The following MKRN2 variants were observed in gnomAD, a reference collection of about 807,000 sequenced individuals.
The protein encoded by MKRN2 is E3 ubiquitin-protein ligase makorin-2.
Under a neutral mutation model 45.4 loss-of-function variants are expected in MKRN2, and 32 were observed. The ratio of observed to expected loss-of-function variants is 0.70; its 90% CI spans 0.53 to 0.95. The LOEUF (loss-of-function observed/expected upper bound fraction) is 0.95, where lower values mean the gene tolerates loss of function less well. MKRN2 is among the 40% of genes least tolerant of loss of function. The pLI is 0.00. For missense variants in MKRN2, 526 were observed against 536.7 expected (o/e 0.98, Z 0.20); for synonymous variants, 206 against 192.4 (o/e 1.07, Z -0.59).
At position 12,583,635 on chromosome 3, in the gene MKRN2, C is replaced by T. The variant is rs909665330; in HGVS notation, c.*1382C>T. On this transcript the variant is annotated 3_prime_UTR_variant, in exon 8 of 8. Coordinates refer to ENST00000170447, the MANE Select transcript of MKRN2 (RefSeq NM_014160.5). ...AATTTAATTTATTTTATTAAAATAACATAATTGAGGGACCATCAGATAACT... is the reference window on the plus strand; with the variant it reads ...AATTTAATTTATTTTATTAAAATAATATAATTGAGGGACCATCAGATAACT... The T allele has an allele frequency of 3.4e-5, 8 of 232,528 alleles. No homozygotes were observed. The Admixed American group carries it at 3.9e-4, about 11-fold the overall frequency. 14.4% of individuals were successfully genotyped at this position (232,528 alleles called of 1,614,324 possible). A position where few individuals can be genotyped will look rare whatever the true frequency, so the allele number is the denominator to read the frequency against.
chr3:12,582,493 C>A lies in MKRN2; in HGVS notation c.*240C>A. The A allele has an allele frequency of 2.1e-6, 1 of 475,400 alleles. No individual in the cohort carries two copies. The highest frequency in any genetic ancestry group is 3.7e-6 in the Non-Finnish European group (1 of 271,796). 29.4% of individuals were successfully genotyped at this position (475,400 alleles called of 1,614,324 possible). The stretch of plus-strand genomic sequence containing the variant: ...TTTTATAGCTGATATAGTTACACCT[C>A]AAGCCCCTCAGGGGTAACAACTAAC... On this transcript the variant is annotated 3_prime_UTR_variant, in exon 8 of 8. Transcript: ENST00000170447.
intron 5 of MKRN2, among the ~76,000 whole-genome samples, chr3:12,575,904 C>T (rs2058132255): frequency 6.6e-6 from 1 of 151,986 alleles, no homozygotes; most frequent in African/African-American, 2.4e-5. Context: ...AGCACATTTC[C>T]CTTATCCATT....
At chr3:12,573,543 T>C (rs376503095) in intron 4 of MKRN2, among the ~76,000 whole-genome samples, 4 of 151,072 alleles carry the variant, frequency 2.6e-5, no homozygotes, top group Non-Finnish European at 5.9e-5. Flanking sequence ...TCAAGAAAAA[T>C]AATAATAAAA....
At chr3:12,578,422 G>T (rs2058156474) in intron 6 of MKRN2, among the ~76,000 whole-genome samples, 1 of 144,926 alleles carries the variant, frequency 6.9e-6, no homozygotes, top group African/African-American at 2.5e-5. Flanking sequence ...CCAGGTTCAA[G>T]CACTTCTGCC....
chr3:12,558,415 G>T (rs952655950), intron 1 of MKRN2, among the ~76,000 whole-genome samples: 1 of 152,148 alleles, frequency 6.6e-6, no homozygotes, highest in Non-Finnish European at 1.5e-5. Context: ...CTAGGTCATT[G>T]TGCACTGTAA....
chr3:12,578,736 G>C (rs1390487003), intron 6 of MKRN2, among the ~76,000 whole-genome samples: 1 of 151,998 alleles, frequency 6.6e-6, no homozygotes, highest in African/African-American at 2.4e-5. Context: ...AAATATTTGT[G>C]TTAAGACTTA....
intron 1 of MKRN2, among the ~76,000 whole-genome samples, chr3:12,565,561 G>A (rs1231166775): frequency 5.0e-5 from 6 of 118,918 alleles, no homozygotes; most frequent in African/African-American, 2.1e-4. Flanking sequence ...TGGGAGACAG[G>A]GTCTCACTCT....
At position 12,572,251 on chromosome 3, in the gene MKRN2, G is replaced by A. The variant is rs748431588; in HGVS notation, c.520G>A (p.Ala174Thr). ...CAACGAGCAGCAGCTGTGCCCCTAC[G>A]CAGCTGCTGGGGAGTGCCGGTTTGG... Reference protein sequence around the residue: ...YSNEQQLCPYAAAGECRFGDA... With the variant: ...YSNEQQLCPYTAAGECRFGDA... Residue 174 changes from alanine (A) to threonine (T), a missense_variant, in exon 4 of 8, where the codon GCA becomes ACA. By Grantham distance (58) the Ala-to-Thr change is moderately conservative. Coordinates refer to ENST00000170447, the MANE Select transcript of MKRN2 (RefSeq NM_014160.5). 2.4e-5 allele frequency: 38 copies of A among 1,613,964 alleles called. No homozygotes were observed. Among genetic ancestry groups the A allele is most frequent in the Admixed American group, 2.0e-4 (12 of 59,984 alleles).
intron 1 of MKRN2, among the ~76,000 whole-genome samples, chr3:12,567,958 CAT>C (rs1308805083): frequency 6.6e-6 from 1 of 152,186 alleles, no homozygotes; most frequent in Non-Finnish European, 1.5e-5. Context: ...TGATACAGAA[CAT>C]GTGATACATC....
chr3:12,563,705 G>T (rs866933682), intron 1 of MKRN2, among the ~76,000 whole-genome samples: 2 of 64,434 alleles, frequency 3.1e-5, no homozygotes, highest in African/African-American at 1.4e-4. Context: ...GGCCAGGCTG[G>T]TCTTGAACTC....
chr3:12,576,796 G>A (rs2058140421), intron 6 of MKRN2, 55 bp downstream of exon 6: 9 of 1,306,938 alleles, frequency 6.9e-6, no homozygotes, highest in Admixed American at 1.7e-5. Context: ...TCTGCTGTCA[G>A]CCCGTGTCCT....
chr3:12,578,491 T>C (rs1249006733), intron 6 of MKRN2, among the ~76,000 whole-genome samples: 1 of 152,022 alleles, frequency 6.6e-6, no homozygotes. Context: ...CTAATTTTTG[T>C]ATTTTAGTAG....
chr3:12,569,071 G>A, intron 2 of MKRN2, 68 bp downstream of exon 2: 5 of 1,503,146 alleles, frequency 3.3e-6, no homozygotes, highest in South Asian at 2.6e-5. Flanking sequence ...TTGATAAGGG[G>A]GAAATTTTAA....
At chr3:12,570,025 G>C in intron 2 of MKRN2, 46 bp from the exon 3 acceptor site, 1 of 1,527,318 alleles carries the variant, frequency 6.5e-7, no homozygotes, top group Non-Finnish European at 8.8e-7. Context: ...TGGGAGATGT[G>C]TGTGGGTGGC....
chr3:12,568,271 G>A (rs2058080588), intron 1 of MKRN2, among the ~76,000 whole-genome samples: 1 of 152,214 alleles, frequency 6.6e-6, no homozygotes, highest in South Asian at 2.1e-4. Flanking sequence ...CTGGGTGACA[G>A]AGAGACTCCA....
In MKRN2 at chr3:12,557,147, C is replaced by G. The variant is rs910785505; in HGVS notation, c.-4C>G. 1.3e-6 allele frequency: 2 copies of G among 1,524,796 alleles called. No homozygotes were observed. The highest frequency in any genetic ancestry group is 1.8e-6 in the Non-Finnish European group (2 of 1,138,746). The allele number at this position is 1,524,796 out of a possible 1,614,324, so 94.5% of individuals were successfully genotyped here. A position where few individuals can be genotyped will look rare whatever the true frequency, so the allele number is the denominator to read the frequency against. ...CACGACGACGGTCCCTCAGCCCAGC[C>G]ACCATGAGCACCAAGCAGATCACTT... is the stretch of plus-strand genomic sequence containing the variant. On this transcript the variant is annotated 5_prime_UTR_variant, in exon 1 of 8. Coordinates refer to ENST00000170447, the MANE Select transcript of MKRN2 (RefSeq NM_014160.5).
chr3:12,581,105 G>A (rs530742312), intron 6 of MKRN2, among the ~76,000 whole-genome samples: 53 of 152,234 alleles, frequency 3.5e-4, no homozygotes, highest in Non-Finnish European at 5.3e-4. Flanking sequence ...CTTGGGCAGG[G>A]TTCTTAACAT....
chr3:12,573,855 C>T (rs1049788891), intron 4 of MKRN2, among the ~76,000 whole-genome samples: 2 of 151,062 alleles, frequency 1.3e-5, no homozygotes, highest in African/African-American at 2.4e-5. Context: ...ATTGCACCAC[C>T]GCACTCCAGC....
At chr3:12,575,485 A>C (rs918415920) in intron 5 of MKRN2, among the ~76,000 whole-genome samples, 3 of 152,284 alleles carry the variant, frequency 2.0e-5, no homozygotes, top group Non-Finnish European at 4.4e-5. Flanking sequence ...TAGGAGTCTC[A>C]AATTCTCCAG....
Sources: gnomAD v4.1 joint callset for allele counts (sites outside exome capture counted in the v4.1 genomes callset) on GRCh38, gnomAD v4.1.1 for gene constraint, MANE v1.5 for transcripts, NCBI Gene and HGNC (gene_info 2026-07-23, HGNC 2026-07-21) for gene names.